IPO8: variants seen among roughly 807,000 people sequenced by gnomAD.
The protein encoded by IPO8 is importin-8.
IPO8 carries 65 observed loss-of-function variants against 141.2 expected under a neutral mutation model. The observed-to-expected ratio is 0.46, with a 90% CI of 0.38 to 0.57. The LOEUF (loss-of-function observed/expected upper bound fraction) is 0.57, where lower values mean the gene tolerates loss of function less well. IPO8 is among the 20% of genes least tolerant of loss of function. The pLI is 0.00. For missense variants in IPO8, 980 were observed against 1,246.8 expected, an observed-to-expected ratio of 0.79 and a Z score of 3.22; for synonymous variants, 411 against 420.3, an observed-to-expected ratio of 0.98 and a Z score of 0.27.
intron 20 of IPO8, among the ~76,000 whole-genome samples, chr12:30,641,493 C>CTTTTTT (rs58656525): frequency 5.9e-4 from 79 of 135,022 alleles, no homozygotes; most frequent in East Asian, 9.4e-4. Flanking sequence ...TAAGCTATTT[C>CTTTTTT]TTTTTTTTTT....
chr12:30,678,050 G>A (rs1049003267), intron 5 of IPO8, among the ~76,000 whole-genome samples: 7 of 151,574 alleles, frequency 4.6e-5, no homozygotes, highest in African/African-American at 7.3e-5. Context: ...GCTTGAACCC[G>A]GGAGGCGGAG....
chr12:30,680,959 A>G (rs140853137), intron 4 of IPO8, among the ~76,000 whole-genome samples: 1 of 152,288 alleles, frequency 6.6e-6, no homozygotes, highest in African/African-American at 2.4e-5. Flanking sequence ...ACTATAAAAT[A>G]TAAGTTGCTA....
At chr12:30,657,044 T>C (rs1313465316) in intron 16 of IPO8, among the ~76,000 whole-genome samples, 2 of 151,316 alleles carry the variant, frequency 1.3e-5, no homozygotes, top group Admixed American at 6.6e-5. Flanking sequence ...CATAAAAAAA[T>C]AGAATAAAAA....
At chr12:30,681,946 T>C in intron 3 of IPO8, 129 bp from the exon 4 acceptor site, 2 of 681,806 alleles carry the variant, frequency 2.9e-6, no homozygotes, top group Non-Finnish European at 4.5e-6. Context: ...ATATGTGGGG[T>C]AGGGGAAAAA....
At chr12:30,655,603 C>CT (rs2052788579) in intron 17 of IPO8, among the ~76,000 whole-genome samples, 1 of 152,162 alleles carries the variant, frequency 6.6e-6, no homozygotes, top group African/African-American at 2.4e-5. Context: ...CTTGTGGTAT[C>CT]TGTCTTTCTG....
At position 30,695,393 on chromosome 12, in the gene IPO8, G is replaced by GCC. The variant is rs1417956714; in HGVS notation, c.84+169_84+170dup. Among the ~76,000 whole-genome samples the GCC allele has an allele frequency of 6.6e-6, 1 of 152,214 alleles. No individual in the cohort carries two copies. The highest frequency in any genetic ancestry group is 2.4e-5 in the African/African-American group (1 of 41,460). ...GAGCTGTTCGGCAAAGATCCTGGGA[G>GCC]CCCTGCTCCACTGGACCGGGGGGCA... On this transcript the variant is annotated intron_variant, in intron 1 of 24. Transcript: ENST00000256079. The surrounding 1 kb of genome is among the most constrained non-coding windows in gnomAD (Gnocchi z 4.2).
chr12:30,672,614 T>C (rs1478686214), intron 8 of IPO8, among the ~76,000 whole-genome samples: 2 of 152,096 alleles, frequency 1.3e-5, no homozygotes, highest in East Asian at 3.9e-4. Flanking sequence ...TTTATGACAC[T>C]GAAAAAACAA....
chr12:30,646,631 A>G (rs1466593975), intron 20 of IPO8, among the ~76,000 whole-genome samples: 1 of 152,228 alleles, frequency 6.6e-6, no homozygotes, highest in Non-Finnish European at 1.5e-5. Context: ...AAATCAGTTC[A>G]GCAAGGTTGC....
At chr12:30,658,358 C>T (rs951275116) in intron 16 of IPO8, among the ~76,000 whole-genome samples, 3 of 152,282 alleles carry the variant, frequency 2.0e-5, no homozygotes, top group Middle Eastern at 3.4e-3. Flanking sequence ...GGTCAAGAGA[C>T]GAAGATTCCG....
intron 3 of IPO8, among the ~76,000 whole-genome samples, chr12:30,682,294 C>A (rs2053196911): frequency 6.6e-6 from 1 of 152,158 alleles, no homozygotes. Flanking sequence ...ACCTTGAACT[C>A]ATCCATTATC....
Position 30,656,741 on chromosome 12 carries a change from G to T in IPO8, c.1891C>A (p.Gln631Lys). 6.7e-7 allele frequency: 1 copy of T among 1,499,354 alleles called. No individual in the cohort carries two copies. The highest frequency in any genetic ancestry group is 9.1e-7 in the Non-Finnish European group (1 of 1,097,922). The allele number at this position is 1,499,354 out of a possible 1,614,324, so 92.9% of individuals were successfully genotyped here. A position where few individuals can be genotyped will look rare whatever the true frequency, so the allele number is the denominator to read the frequency against. ...ATCCGTAGACAGATATTCTCTAACT[G>T]CTGGGTAATCTAAAGATAAATGTTA... ...VVEDHKEITQ[Q>K]LENICLRIID... The change falls in exon 17 of 25, where the codon CAG becomes AAG. Residue 631 changes from glutamine (Q) to lysine (K), a missense_variant. Transcript: ENST00000256079.
intron 20 of IPO8, among the ~76,000 whole-genome samples, chr12:30,644,653 G>C (rs146697629): frequency 7.8e-6 from 1 of 128,156 alleles, no homozygotes; most frequent in African/African-American, 2.7e-5. Context: ...TTTTTTTTTT[G>C]TTTTTTTTTT....
At chr12:30,662,600 G>C in intron 14 of IPO8, 113 bp from the exon 15 acceptor site, 3 of 750,248 alleles carry the variant, frequency 4.0e-6, no homozygotes, top group South Asian at 3.0e-5. Flanking sequence ...TCAGGTTCTA[G>C]ATACACACTT....
At chr12:30,651,624 C>T (rs2052727647) in intron 19 of IPO8, among the ~76,000 whole-genome samples, 1 of 151,796 alleles carries the variant, frequency 6.6e-6, no homozygotes, top group South Asian at 2.1e-4. Flanking sequence ...AGAAGAAAAC[C>T]GTTATTTAGC....
chr12:30,688,512 T>C (rs1325270173), intron 2 of IPO8: 2 of 343,856 alleles, frequency 5.8e-6, no homozygotes, highest in Non-Finnish European at 1.1e-5. Context: ...ATCACAACAT[T>C]CTTTTTTAAG....
chr12:30,631,762 T>C (rs1056691579), intron 24 of IPO8, 133 bp downstream of exon 24: 5 of 636,844 alleles, frequency 7.9e-6, no homozygotes, highest in African/African-American at 7.3e-5. Flanking sequence ...ATAATGACAA[T>C]TCCTTATTAT....
intron 21 of IPO8, among the ~76,000 whole-genome samples, chr12:30,637,915 G>A (rs190772583): frequency 2.8e-4 from 43 of 152,234 alleles, no homozygotes; most frequent in African/African-American, 8.9e-4. Context: ...TTTAAAGTGC[G>A]AATAATATAA....
At chr12:30,653,306 G>A (rs1159022698) in intron 17 of IPO8, among the ~76,000 whole-genome samples, 1 of 151,720 alleles carries the variant, frequency 6.6e-6, no homozygotes, top group Non-Finnish European at 1.5e-5. Context: ...AATAAGGCAA[G>A]GCAAAAATTT....
At chr12:30,675,799 A>G (rs1052099792) in intron 6 of IPO8, among the ~76,000 whole-genome samples, 1 of 150,846 alleles carries the variant, frequency 6.6e-6, no homozygotes, top group African/African-American at 2.4e-5. Context: ...AGCCAAGATC[A>G]TGCCACTGCA....
Sources: gnomAD v4.1 joint callset for allele counts (sites outside exome capture counted in the v4.1 genomes callset) on GRCh38, gnomAD v4.1.1 for gene constraint, Gnocchi (gnomAD v3.1) non-coding constraint, MANE v1.5 for transcripts, NCBI Gene and HGNC (gene_info 2026-07-23, HGNC 2026-07-21) for gene names.